Variants in PTK2 observed in about 807,000 individuals in gnomAD.
The protein encoded by PTK2 is focal adhesion kinase 1.
Under a neutral mutation model 150.1 loss-of-function variants are expected in PTK2, and 45 were observed. The observed-to-expected ratio is 0.30, with a 90% CI of 0.24 to 0.38. The LOEUF is 0.38. Ranked by LOEUF, PTK2 falls within the 10% of genes least tolerant of loss-of-function variation. The probability of loss-of-function intolerance (pLI) is 1.00; values close to 1 mark genes in which losing one functional copy is unlikely to be tolerated. For synonymous variants in PTK2, 432 were observed against 449.2 expected (o/e 0.96, Z 0.48); for missense variants, 919 against 1,307.3 (o/e 0.70, Z 4.58).
At chr8:140,807,416 C>T (rs1259593940) in intron 10 of PTK2, among the ~76,000 whole-genome samples, 1 of 152,196 alleles carries the variant, frequency 6.6e-6, no homozygotes, top group African/African-American at 2.4e-5. Flanking sequence ...TAGCCTACCA[C>T]CTAGCACAAG....
At chr8:140,773,308 G>A (rs192684334) in intron 14 of PTK2, among the ~76,000 whole-genome samples, 331 of 152,314 alleles carry the variant, frequency 2.2e-3, no homozygotes, top group Non-Finnish European at 4.0e-3. Context: ...GCTGGAGTTA[G>A]AACAGTGAAC....
intron 3 of PTK2, among the ~76,000 whole-genome samples, chr8:140,880,834 C>CTGCTG (rs1417129116): frequency 6.6e-6 from 1 of 152,138 alleles, no homozygotes; most frequent in Non-Finnish European, 1.5e-5. Flanking sequence ...AGGATGTGTG[C>CTGCTG]TGCTGTGCTG....
exon 4 of PTK2, chr8:140,879,591 G>A: frequency 6.6e-7 from 1 of 1,505,552 alleles, no homozygotes; most frequent in Non-Finnish European, 8.9e-7. Context: ...TCCATAGCAG[G>A]CCACATGCTT....
At chr8:140,829,085 A>G (rs2100113708) in intron 8 of PTK2, among the ~76,000 whole-genome samples, 1 of 152,226 alleles carries the variant, frequency 6.6e-6, no homozygotes, top group African/African-American at 2.4e-5. Context: ...TCACTAATAG[A>G]TCAGGAAACT....
chr8:140,930,157 A>C (rs576927283), intron 1 of PTK2, among the ~76,000 whole-genome samples: 2 of 152,348 alleles, frequency 1.3e-5, no homozygotes, highest in East Asian at 3.8e-4. Context: ...CACTGTTAAC[A>C]GCCTACATGT....
chr8:140,774,588 A>T (rs2100077355), intron 14 of PTK2, among the ~76,000 whole-genome samples: 1 of 152,210 alleles, frequency 6.6e-6, no homozygotes, highest in Non-Finnish European at 1.5e-5. Flanking sequence ...CGGTAAAATA[A>T]GACTGAGACC....
At chr8:140,949,507 G>A (rs1306944889) in intron 1 of PTK2, among the ~76,000 whole-genome samples, 1 of 152,230 alleles carries the variant, frequency 6.6e-6, no homozygotes, top group African/African-American at 2.4e-5. Flanking sequence ...CAGGCTCCTG[G>A]CCTCTCCCCA....
At chr8:140,695,954 C>G (rs2100026272) in intron 26 of PTK2, among the ~76,000 whole-genome samples, 1 of 152,176 alleles carries the variant, frequency 6.6e-6, no homozygotes, top group Non-Finnish European at 1.5e-5. Context: ...ATAATATCTA[C>G]TTCCCCAGGG....
rs1033052096 is a variant in PTK2 at position 140,715,178 on chromosome 8, T to G, written c.2142+2420A>C. ...CCGTTTTTTTTTTTTTTTTTTTTTTTTTTTTTTTTTTTTTGAGAGAGTCTC... is the reference window on the plus strand; with the variant it reads ...CCGTTTTTTTTTTTTTTTTTTTTTTGTTTTTTTTTTTTTTGAGAGAGTCTC... On this transcript the variant is annotated intron_variant, in intron 23 of 31. Coordinates refer to ENST00000522684, the Ensembl canonical transcript of PTK2. 3.2e-4 allele frequency among the ~76,000 whole-genome samples: 42 copies of G among 131,772 alleles called. 1 individual carries two copies. The highest frequency in any genetic ancestry group is 5.8e-4 in the African/African-American group (20 of 34,772). The allele number at this position is 131,772 out of a possible 152,430, so 86.4% of individuals were successfully genotyped here. A position where few individuals can be genotyped will look rare whatever the true frequency, so the allele number is the denominator to read the frequency against.
chr8:140,913,749 T>C (rs1339086781), intron 2 of PTK2, among the ~76,000 whole-genome samples: 2 of 152,228 alleles, frequency 1.3e-5, no homozygotes, highest in Non-Finnish European at 1.5e-5. Context: ...TTGTTCAATA[T>C]TGTTCATAAG....
intron 1 of PTK2, among the ~76,000 whole-genome samples, chr8:140,949,045 C>A (rs1389720211): frequency 6.6e-6 from 1 of 151,762 alleles, no homozygotes; most frequent in Non-Finnish European, 1.5e-5. Context: ...TCCTCCTCCT[C>A]CTCAGCCTAC....
At chr8:140,874,791 T>C (rs1023940709) in intron 4 of PTK2, among the ~76,000 whole-genome samples, 1 of 152,242 alleles carries the variant, frequency 6.6e-6, no homozygotes, top group African/African-American at 2.4e-5. Context: ...CTTAAGCTAA[T>C]ATTGTTTGGT....
chr8:140,934,088 A>G (rs950025379), intron 1 of PTK2, among the ~76,000 whole-genome samples: 10 of 152,244 alleles, frequency 6.6e-5, no homozygotes, highest in African/African-American at 2.4e-4. Flanking sequence ...AAAGAAACAC[A>G]AATAAATAAC....
chr8:140,753,137 G>A (rs2100063766), intron 16 of PTK2, among the ~76,000 whole-genome samples: 2 of 152,200 alleles, frequency 1.3e-5, no homozygotes, highest in African/African-American at 4.8e-5. Context: ...AGAGACACAG[G>A]GAGTTCTGCG....
At chr8:140,761,141 G>C (rs751200529) in intron 16 of PTK2, 24 bp downstream of exon 19, 7 of 1,486,718 alleles carry the variant, frequency 4.7e-6, no homozygotes, top group Non-Finnish European at 6.6e-6. Context: ...TAGTCTAGTT[G>C]TTTGGTAGTC....
intron 22 of PTK2, among the ~76,000 whole-genome samples, chr8:140,730,769 A>C (rs6994744): frequency 0.6 from 91,991 of 152,064 alleles, 29,162 homozygotes; most frequent in African/African-American, 0.8. Context: ...TTTTTCTAAT[A>C]TGAGATAAAG....
intron 27 of PTK2, among the ~76,000 whole-genome samples, chr8:140,684,362 A>G (rs1053220808): frequency 1.3e-5 from 2 of 152,226 alleles, no homozygotes; most frequent in Non-Finnish European, 2.9e-5. Context: ...TAATGCTGCC[A>G]CTGATCTGAC....
chr8:140,885,140 T>A (rs1202316288), intron 3 of PTK2, among the ~76,000 whole-genome samples: 3 of 152,230 alleles, frequency 2.0e-5, no homozygotes, highest in Non-Finnish European at 2.9e-5. Flanking sequence ...GTCCTTGTAA[T>A]GTCTTTTTAA....
At chr8:140,711,023 T>A (rs2100036549) in intron 23 of PTK2, among the ~76,000 whole-genome samples, 1 of 152,232 alleles carries the variant, frequency 6.6e-6, no homozygotes, top group South Asian at 2.1e-4. Flanking sequence ...CTGCAACCTC[T>A]GCCTCCCGAG....
Sources: allele counts gnomAD v4.1 joint callset (sites outside exome capture counted in the v4.1 genomes callset), GRCh38; gene constraint gnomAD v4.1.1; transcripts MANE v1.5; gene names NCBI Gene and HGNC (gene_info 2026-07-23, HGNC 2026-07-21).